FRMD4A: variants seen among roughly 807,000 people sequenced by gnomAD.
The protein encoded by FRMD4A is FERM domain-containing protein 4A.
In FRMD4A, 29 loss-of-function variants were observed where a neutral mutation model predicts 129.1. The observed-to-expected ratio is 0.22, with a 90% confidence interval of 0.17 to 0.31. The LOEUF (loss-of-function observed/expected upper bound fraction) is 0.31. Ranked by LOEUF, FRMD4A falls within the 10% of genes least tolerant of loss-of-function variation. The pLI, the probability that FRMD4A is intolerant of heterozygous loss-of-function variation, is 1.00. For missense variants in FRMD4A, 1,272 were observed against 1,375.8 expected (o/e 0.92, Z 1.19); for synonymous variants, 634 against 571.6 (o/e 1.11, Z -1.56).
intron 2 of FRMD4A, among the ~76,000 whole-genome samples, chr10:13,998,894 C>T (rs759378627): frequency 7.9e-5 from 12 of 152,204 alleles, no homozygotes; most frequent in Admixed American, 3.3e-4. Context: ...CCCTGATCCC[C>T]TGATCTTTTT....
intron 2 of FRMD4A, among the ~76,000 whole-genome samples, chr10:13,954,076 C>A (rs1289111319): frequency 1.3e-5 from 2 of 152,334 alleles, no homozygotes; most frequent in African/African-American, 2.4e-5. Flanking sequence ...GACATCAGGG[C>A]AGAAACAGAC....
At position 14,068,665 on chromosome 10, in the gene FRMD4A, A is replaced by T. The variant is rs144693351; in HGVS notation, c.46-209753T>A. Among the ~76,000 whole-genome samples the T allele has an allele frequency of 3.1e-3, 465 of 152,356 alleles. 3 individuals carry two copies. Among genetic ancestry groups the T allele is most frequent in the Middle Eastern group, 0.024 (7 of 294 alleles). On this transcript the variant is annotated intron_variant, in intron 2 of 24. Transcript: ENST00000357447. ...AAACTTTACATTTGACATCACTTAC[A>T]TATGTGTGAGTTCAAAGTTCCCACA... is the stretch of plus-strand genomic sequence containing the variant.
Position 13,654,455 on chromosome 10 carries a change from G to C in FRMD4A, c.3011C>G (p.Pro1004Arg). Residue 1004 changes from proline to arginine, a missense_variant, in exon 23 of 25, where the codon CCC (proline) becomes CGC (arginine). This residue lies in a region of FRMD4A where 972 missense variants were observed against 892.3 expected (regional missense o/e 1.09). Transcript: ENST00000357447. ...STPSSEIGAT[P>R]PSSPHHILTW... ...TAGGATGTGGTGGGGGCTGCTTGGG[G>C]GGGTGGCTCCAATTTCACTTGACGG... 6.2e-7 allele frequency: 1 copy of C among 1,613,786 alleles called. No individual in the cohort carries two copies. Among genetic ancestry groups the C allele is most frequent in the South Asian group, 1.1e-5 (1 of 91,066 alleles).
At chr10:13,881,150 G>A (rs1335218405) in intron 2 of FRMD4A, among the ~76,000 whole-genome samples, 1 of 151,878 alleles carries the variant, frequency 6.6e-6, no homozygotes, top group Non-Finnish European at 1.5e-5. Context: ...GGGTGTGGTG[G>A]TTCACACCTG....
At chr10:14,139,004 T>G (rs751518018) in intron 2 of FRMD4A, among the ~76,000 whole-genome samples, 2 of 152,192 alleles carry the variant, frequency 1.3e-5, no homozygotes, top group Non-Finnish European at 2.9e-5. Flanking sequence ...AAGTGATCCA[T>G]CATGGCTAGG....
At chr10:13,808,658 T>G (rs2093396959) in intron 4 of FRMD4A, among the ~76,000 whole-genome samples, 1 of 152,184 alleles carries the variant, frequency 6.6e-6, no homozygotes, top group Non-Finnish European at 1.5e-5. Context: ...GAGCCAGCTC[T>G]TCACCTCCTC....
At chr10:14,322,347 T>C (rs1279954152) in intron 2 of FRMD4A, among the ~76,000 whole-genome samples, 1 of 152,054 alleles carries the variant, frequency 6.6e-6, no homozygotes, top group Non-Finnish European at 1.5e-5. Flanking sequence ...CCAACTAAGG[T>C]TGGGGAGAAG....
At position 14,073,024 on chromosome 10, in the gene FRMD4A, T is replaced by TA. The variant is rs201773109; in HGVS notation, c.46-214113dup. 1.7e-4 allele frequency among the ~76,000 whole-genome samples: 25 copies of TA among 151,208 alleles called. No homozygotes were observed. In the South Asian group the frequency reaches 4.8e-3, roughly 29 times the overall value. On this transcript the variant is annotated intron_variant, in intron 2 of 24. Transcript: ENST00000357447. ...GAGAGAAAGAGCCAAAAAGAAGGGA[T>TA]AAAAAAATAATAGCTTTAGAAATAG...
At chr10:13,707,932 T>C (rs2087636071) in intron 12 of FRMD4A, 2 of 973,778 alleles carry the variant, frequency 2.1e-6, no homozygotes, top group African/African-American at 1.8e-5. Context: ...TAATTAGGGC[T>C]GCATCCAATT....
chr10:13,801,828 T>G (rs1306598231), intron 4 of FRMD4A, among the ~76,000 whole-genome samples: 1 of 152,172 alleles, frequency 6.6e-6, no homozygotes, highest in East Asian at 1.9e-4. Context: ...TGACATCAAG[T>G]GCCTCCCTCA....
At position 13,800,183 on chromosome 10, in the gene FRMD4A, A is replaced by T. The variant is rs773649282; in HGVS notation, c.207-3595T>A. Among the ~76,000 whole-genome samples the T allele has an allele frequency of 1.1e-3, 162 of 152,302 alleles. 1 individual carries two copies. The highest frequency in any genetic ancestry group is 1.4e-3 in the Non-Finnish European group (98 of 68,024). ...GGTGACAGAGCGAGACTCCATCTCA[A>T]AAAACAAAACAAACAAACAAAAAAC... On this transcript the variant is annotated intron_variant, in intron 4 of 24. Transcript: ENST00000357447.
chr10:14,196,837 G>A (rs1039593311), intron 2 of FRMD4A, among the ~76,000 whole-genome samples: 42 of 152,168 alleles, frequency 2.8e-4, no homozygotes, highest in Non-Finnish European at 7.3e-5. Flanking sequence ...TTTATGTCCA[G>A]TCGTAGTTCT....
intron 2 of FRMD4A, among the ~76,000 whole-genome samples, chr10:14,185,505 A>G (rs11258925): frequency 0.024 from 3,604 of 152,242 alleles, 130 homozygotes; most frequent in African/African-American, 0.075. Flanking sequence ...AACTTCAAGT[A>G]TTTTTTGGAG....
chr10:14,063,606 C>G (rs138864379), intron 2 of FRMD4A, among the ~76,000 whole-genome samples: 64 of 151,596 alleles, frequency 4.2e-4, no homozygotes, highest in Middle Eastern at 3.4e-3. Context: ...TTTAGACATA[C>G]TCTTTGTAAT....
At chr10:14,276,093 T>C (rs1259500635) in intron 2 of FRMD4A, among the ~76,000 whole-genome samples, 1 of 152,210 alleles carries the variant, frequency 6.6e-6, no homozygotes, top group Non-Finnish European at 1.5e-5. Context: ...TCTCTGGTCC[T>C]GGCCCTGTTG....
At chr10:13,677,076 G>T (rs911999095) in intron 15 of FRMD4A, among the ~76,000 whole-genome samples, 17 of 152,096 alleles carry the variant, frequency 1.1e-4, no homozygotes, top group Non-Finnish European at 1.5e-4. Flanking sequence ...CACTTAAATT[G>T]TCCCCATAAA....
intron 13 of FRMD4A, 44 bp from the exon 14 acceptor site, chr10:13,701,522 G>A (rs748246011): frequency 1.3e-6 from 2 of 1,581,070 alleles, no homozygotes; most frequent in Non-Finnish European, 8.6e-7. Flanking sequence ...TTTCTGTTGA[G>A]AGAAACCATT....
intron 3 of FRMD4A, among the ~76,000 whole-genome samples, chr10:13,834,855 C>T (rs901063975): frequency 1.3e-5 from 2 of 152,166 alleles, no homozygotes; most frequent in Non-Finnish European, 2.9e-5. Context: ...CATTTCCCCT[C>T]TTGACTACAC....
At chr10:13,824,448 C>G (rs2093672036) in intron 3 of FRMD4A, among the ~76,000 whole-genome samples, 2 of 151,532 alleles carry the variant, frequency 1.3e-5, no homozygotes, top group South Asian at 4.2e-4. Flanking sequence ...TGAGATTGCA[C>G]TACTACACTC....
Sources: allele counts gnomAD v4.1 joint callset (sites outside exome capture counted in the v4.1 genomes callset), GRCh38; gene constraint gnomAD v4.1.1; regional missense constraint gnomAD v4.1.1; transcripts MANE v1.5; gene names NCBI Gene and HGNC (gene_info 2026-07-23, HGNC 2026-07-21).